MLLT1: variants seen among roughly 807,000 people sequenced by gnomAD.
The protein encoded by MLLT1 is MLLT1 super elongation complex subunit.
Under a neutral mutation model 55.1 loss-of-function variants are expected in MLLT1, and 11 were observed. The observed-to-expected ratio is 0.20, with a 90% CI of 0.13 to 0.33. MLLT1 has a LOEUF of 0.33. MLLT1 is among the 10% of genes least tolerant of loss of function. The pLI is 1.00. For missense variants in MLLT1, 536 were observed against 760.6 expected (o/e 0.70, Z 3.47); for synonymous variants, 323 against 320.1 (o/e 1.01, Z -0.10).
intron 3 of MLLT1, among the ~76,000 whole-genome samples, chr19:6,247,466 C>G (rs1026952515): frequency 6.6e-6 from 1 of 152,146 alleles, no homozygotes; most frequent in African/African-American, 2.4e-5. Flanking sequence ...AAACAGGTAA[C>G]AACAGACTGG....
rs1030928956 is a variant in MLLT1 at position 6,229,655 on chromosome 19, C to G, written c.420+915G>C. ...ACACCATACATGACACAGCAGACAG[C>G]GTATGTACATACCACACAACACACA... is the stretch of plus-strand genomic sequence containing the variant. On this transcript the variant is annotated intron_variant, in intron 4 of 11. Transcript: ENST00000252674. The surrounding 1 kb of genome is among the most constrained non-coding windows in gnomAD (Gnocchi z 5.2). Among the ~76,000 whole-genome samples, 1 of 151,648 alleles carries G rather than the reference C, an allele frequency of 6.6e-6. No homozygotes were observed. Among genetic ancestry groups the G allele is most frequent in the Admixed American group, 6.6e-5 (1 of 15,214 alleles).
In MLLT1 at chr19:6,219,368, C is replaced by A. The variant is rs1342418540; in HGVS notation, c.1111-1327G>T. Among the ~76,000 whole-genome samples, 2 of 152,180 alleles carry A rather than the reference C, an allele frequency of 1.3e-5. No homozygotes were observed. The highest frequency in any genetic ancestry group is 2.9e-5 in the Non-Finnish European group (2 of 68,018). ...CATCAGTCACTGCCCACTCAGGCTA[C>A]CTGAGTCCCGGACACATACCCCAGA... On this transcript the variant is annotated intron_variant, in intron 6 of 11. Transcript: ENST00000252674. This position sits in a 1 kb window ranked among gnomAD's most constrained non-coding sequence, Gnocchi z 4.5.
intron 3 of MLLT1, among the ~76,000 whole-genome samples, chr19:6,236,001 C>T (rs1163127931): frequency 1.3e-5 from 2 of 152,198 alleles, no homozygotes; most frequent in East Asian, 3.9e-4. Flanking sequence ...GACCCATGAA[C>T]ACCACACACA....
intron 1 of MLLT1, among the ~76,000 whole-genome samples, chr19:6,274,029 G>C (rs563675124): frequency 6.6e-6 from 1 of 152,244 alleles, no homozygotes; most frequent in East Asian, 1.9e-4. Context: ...CCGGCAGGCC[G>C]GGCCCAAAGT....
intron 2 of MLLT1, among the ~76,000 whole-genome samples, chr19:6,265,460 C>T (rs1423358317): frequency 1.3e-5 from 2 of 152,036 alleles, no homozygotes; most frequent in East Asian, 3.9e-4. Flanking sequence ...CACCTGAAGT[C>T]AGGAGTTCAA....
chr19:6,234,864 C>T (rs988056901), intron 3 of MLLT1, among the ~76,000 whole-genome samples: 1 of 151,160 alleles, frequency 6.6e-6, no homozygotes, highest in African/African-American at 2.4e-5. Context: ...AGAATCACAG[C>T]GTGTGGATCT....
chr19:6,213,886 C>A, intron 9 of MLLT1, 53 bp downstream of exon 9: 1 of 1,528,908 alleles, frequency 6.5e-7, no homozygotes, highest in Non-Finnish European at 8.9e-7. Flanking sequence ...CAGCCCGGCC[C>A]AGGGCTAAGC....
Position 6,213,017 on chromosome 19 carries a change from T to TGG in MLLT1, c.*23_*24dup. 6.2e-7 allele frequency: 1 copy of TGG among 1,610,348 alleles called. No homozygotes were observed. The highest frequency in any genetic ancestry group is 1.3e-5 in the African/African-American group (1 of 74,864). Reference sequence around the variant, plus strand: ...CTGCAGCCTCCCAGGACCCCGGCGGTGGGGGCCCGGCACGCGGCCCAGGGT... The same window carrying TGG: ...CTGCAGCCTCCCAGGACCCCGGCGGTGGGGGGGCCCGGCACGCGGCCCAGGGT... On this transcript the variant is annotated 3_prime_UTR_variant, in exon 12 of 12. Coordinates refer to ENST00000252674, the MANE Select transcript of MLLT1 (RefSeq NM_005934.4).
chr19:6,213,708 T>C lies in MLLT1; in HGVS notation c.1479+18A>G. 7.0e-7 allele frequency: 1 copy of C among 1,421,082 alleles called. No homozygotes were observed. The highest frequency in any genetic ancestry group is 9.9e-7 in the Non-Finnish European group (1 of 1,012,338). 88.0% of individuals were successfully genotyped at this position (1,421,082 alleles called of 1,614,324 possible). A position where few individuals can be genotyped will look rare whatever the true frequency, so the allele number is the denominator to read the frequency against. ...ACCCCTCCGTAGCCTCCCCGCCTTG[T>C]CGTAGGTGCCCCCCCACCTTGTCGT... On this transcript the variant is annotated intron_variant, in intron 10 of 11. Transcript: ENST00000252674.
At chr19:6,259,875 G>A (rs1301010905) in intron 3 of MLLT1, 1 of 147,456 alleles carries the variant, frequency 6.8e-6, no homozygotes. Context: ...GCTGAGATTT[G>A]AAAAACCTGC....
At chr19:6,268,930 C>T (rs980336195) in intron 2 of MLLT1, among the ~76,000 whole-genome samples, 24 of 152,302 alleles carry the variant, frequency 1.6e-4, no homozygotes, top group Non-Finnish European at 2.6e-4. Flanking sequence ...GCCATGTCAA[C>T]GTGGTGGGGA....
At chr19:6,252,686 C>A (rs2091226873) in intron 3 of MLLT1, among the ~76,000 whole-genome samples, 1 of 152,002 alleles carries the variant, frequency 6.6e-6, no homozygotes, top group South Asian at 2.1e-4. Context: ...AGAAAAAGAA[C>A]TAAACTCAAA....
intron 5 of MLLT1, among the ~76,000 whole-genome samples, chr19:6,225,437 G>A (rs933833050): frequency 1.3e-5 from 2 of 152,244 alleles, no homozygotes; most frequent in Admixed American, 1.3e-4. Flanking sequence ...TCGCTCAGCT[G>A]GGGAAGAGGC....
chr19:6,263,700 C>A (rs1370200638), intron 2 of MLLT1, among the ~76,000 whole-genome samples: 1 of 152,168 alleles, frequency 6.6e-6, no homozygotes, highest in African/African-American at 2.4e-5. Flanking sequence ...AGGAATAAGG[C>A]CGTGAGAGTG....
rs905495015 is a variant in MLLT1, at chr19:6,229,197, G to A, written c.420+1373C>T. ...TGGCCATGAAAGAAGGTGGAAAAGC[G>A]GAGCCAGGAGGGCGCTGGGACCCAG... is the stretch of plus-strand genomic sequence containing the variant. On this transcript the variant is annotated intron_variant, in intron 4 of 11. Coordinates refer to ENST00000252674, the MANE Select transcript of MLLT1 (RefSeq NM_005934.4). The surrounding 1 kb of genome is among the most constrained non-coding windows in gnomAD (Gnocchi z 5.2). 1.4e-4 allele frequency among the ~76,000 whole-genome samples: 22 copies of A among 152,070 alleles called. No homozygotes were observed. Among genetic ancestry groups the A allele is most frequent in the South Asian group, 2.1e-4 (1 of 4,826 alleles).
intron 1 of MLLT1, among the ~76,000 whole-genome samples, chr19:6,274,527 T>C (rs983017387): frequency 1.3e-5 from 2 of 152,274 alleles, no homozygotes; most frequent in Admixed American, 1.3e-4. Context: ...AATAATCTGA[T>C]TGGTCAGTGG....
At chr19:6,265,057 CAAA>C (rs1206210263) in intron 2 of MLLT1, among the ~76,000 whole-genome samples, 5 of 32,602 alleles carry the variant, frequency 1.5e-4, no homozygotes, top group East Asian at 8.3e-4. Context: ...AACAAAAAAA[CAAA>C]AAAACAAAAA....
rs377312136 is a variant in MLLT1, at chr19:6,213,177, G to T, written c.1552-7C>A. On this transcript the variant is annotated splice_polypyrimidine_tract_variant and splice_region_variant and intron_variant, in intron 11 of 11. Transcript: ENST00000252674. ...CCTCGATCAGATTCACAATCTGTAA[G>T]GTGGTGGCAGGTGGCTTCAGGGGCA... 4 of 1,613,936 alleles carry T rather than the reference G, an allele frequency of 2.5e-6. No individual in the cohort carries two copies. The South Asian group carries it at 4.4e-5, about 18-fold the overall frequency.
rs537916471 is a variant in MLLT1 at position 6,264,146 on chromosome 19, T to TA, written c.194-1837dup. ...AATTACATCTCCATAAAGCGGTTAT[T>TA]AAAAAAAAACAAAAGGGCAAACTGA... On this transcript the variant is annotated intron_variant, in intron 2 of 11. Coordinates refer to ENST00000252674, the MANE Select transcript of MLLT1 (RefSeq NM_005934.4). Among the ~76,000 whole-genome samples, 23 of 151,008 alleles carry TA rather than the reference T, an allele frequency of 1.5e-4. 1 individual carries two copies. Among genetic ancestry groups the TA allele is most frequent in the East Asian group, 3.9e-4 (2 of 5,126 alleles).
Sources: allele counts gnomAD v4.1 joint callset (sites outside exome capture counted in the v4.1 genomes callset), GRCh38; gene constraint gnomAD v4.1.1; non-coding constraint Gnocchi (gnomAD v3.1); transcripts MANE v1.5; gene names NCBI Gene and HGNC (gene_info 2026-07-23, HGNC 2026-07-21).